Variants in GALNT1 observed in about 807,000 individuals in gnomAD.
GALNT1 encodes polypeptide N-acetylgalactosaminyltransferase 1, also known as GalNAc transferase 1.
Under a neutral mutation model 65.7 loss-of-function variants are expected in GALNT1, and 17 were observed. That is an observed-to-expected ratio of 0.26 (90% CI 0.18 to 0.39). The LOEUF (loss-of-function observed/expected upper bound fraction) is 0.39. Among genes scored for constraint, GALNT1 ranks in the 10% least tolerant of loss-of-function variants. The pLI is 1.00. For missense variants in GALNT1, 460 were observed against 672.8 expected, an observed-to-expected ratio of 0.68 and a Z score of 3.50; for synonymous variants, 210 against 219.7, an observed-to-expected ratio of 0.96 and a Z score of 0.39.
intron 1 of GALNT1, among the ~76,000 whole-genome samples, chr18:35,598,621 A>T (rs754429410): frequency 6.6e-6 from 1 of 152,164 alleles, no homozygotes; most frequent in Non-Finnish European, 1.5e-5. Context: ...TTCTTTATCC[A>T]TTCATCTATT....
At chr18:35,675,233 TTGTGGCTCTTCC>T in intron 3 of GALNT1, among the ~76,000 whole-genome samples, 1 of 152,124 alleles carries the variant, frequency 6.6e-6, no homozygotes, top group Non-Finnish European at 1.5e-5. Context: ...CTCAAGTGCC[TTGTGGCTCTTCC>T]AGGTTAGGGG....
intron 7 of GALNT1, among the ~76,000 whole-genome samples, chr18:35,690,515 A>G (rs1039781620): frequency 2.0e-5 from 3 of 152,216 alleles, no homozygotes; most frequent in African/African-American, 4.8e-5. Flanking sequence ...ACAGGTTGCA[A>G]TTCATCAATT....
At chr18:35,664,857 G>C (rs2047524817) in intron 3 of GALNT1, among the ~76,000 whole-genome samples, 1 of 152,248 alleles carries the variant, frequency 6.6e-6, no homozygotes, top group Non-Finnish European at 1.5e-5. Flanking sequence ...CTCCAGAGAA[G>C]AGACTGGAAG....
chr18:35,686,114 TA>T lies in GALNT1; in HGVS notation c.690-901del, dbSNP rs2047863753. Among the ~76,000 whole-genome samples the T allele has an allele frequency of 1.3e-5, 2 of 152,176 alleles. 1 individual carries two copies. Among genetic ancestry groups the T allele is most frequent in the Middle Eastern group, 6.8e-3 (2 of 294 alleles). ...TTATTTCACACCAACAAGGAATACT[TA>T]GAAAATATAATGCAAAAAGAAAAGA... On this transcript the variant is annotated intron_variant, in intron 5 of 11. Transcript: ENST00000269195.
intron 1 of GALNT1, among the ~76,000 whole-genome samples, chr18:35,615,742 A>G (rs1274004236): frequency 2.6e-5 from 4 of 152,240 alleles, no homozygotes; most frequent in African/African-American, 9.6e-5. Context: ...ATGGCAGAAG[A>G]AAGCAAGAGC....
At chr18:35,639,665 AATTTT>A (rs2047136505) in intron 1 of GALNT1, among the ~76,000 whole-genome samples, 2 of 152,070 alleles carry the variant, frequency 1.3e-5, no homozygotes, top group South Asian at 2.1e-4. Flanking sequence ...ACATTTTTGG[AATTTT>A]ATTTTAGACT....
intron 9 of GALNT1, among the ~76,000 whole-genome samples, chr18:35,695,628 A>G (rs1309621212): frequency 6.6e-6 from 1 of 152,198 alleles, no homozygotes; most frequent in Non-Finnish European, 1.5e-5. Context: ...CATTTATCCT[A>G]ACAGTTACTA....
chr18:35,698,960 C>T (rs1411046291), intron 9 of GALNT1, among the ~76,000 whole-genome samples: 4 of 151,888 alleles, frequency 2.6e-5, no homozygotes, highest in African/African-American at 4.8e-5. Flanking sequence ...GCAGCCTGGG[C>T]GACAGAGTGA....
chr18:35,707,496 T>C (rs3786388), intron 11 of GALNT1, among the ~76,000 whole-genome samples: 12,948 of 152,240 alleles, frequency 0.085, 603 homozygotes, highest in African/African-American at 0.12. Flanking sequence ...CAGAGTTGTA[T>C]CTGGAACAGG....
chr18:35,631,573 A>G (rs544203261), intron 1 of GALNT1, among the ~76,000 whole-genome samples: 1 of 152,340 alleles, frequency 6.6e-6, no homozygotes, highest in South Asian at 2.1e-4. Context: ...AATAAGAGCT[A>G]TCTATGACAA....
In GALNT1 at chr18:35,661,065, TA is replaced by T. The variant is rs2047471073; in HGVS notation, c.140-2561del. 2.6e-5 allele frequency among the ~76,000 whole-genome samples: 4 copies of T among 152,244 alleles called. No individual in the cohort carries two copies. In the South Asian group the frequency reaches 8.3e-4, roughly 31 times the overall value. ...TTCTTTAAGATCTCAAAACCAACTT[TA>T]AGCTTCTGGTTATATAATTTCATGT... On this transcript the variant is annotated intron_variant, in intron 2 of 11. Coordinates refer to ENST00000269195, the MANE Select transcript of GALNT1 (RefSeq NM_020474.4).
At chr18:35,651,033 T>TG (rs754910184) in intron 1 of GALNT1, among the ~76,000 whole-genome samples, 45 of 152,214 alleles carry the variant, frequency 3.0e-4, no homozygotes, top group Non-Finnish European at 3.4e-4. Context: ...AGTATTAATT[T>TG]GGGGAACTAA....
intron 1 of GALNT1, among the ~76,000 whole-genome samples, chr18:35,601,512 G>A (rs185852409): frequency 6.6e-5 from 10 of 151,726 alleles, no homozygotes; most frequent in South Asian, 2.1e-4. Flanking sequence ...CTAGTTACTT[G>A]AGGAGTATTG....
At chr18:35,654,305 C>T (rs914556920) in intron 1 of GALNT1, among the ~76,000 whole-genome samples, 1 of 151,990 alleles carries the variant, frequency 6.6e-6, no homozygotes, top group Non-Finnish European at 1.5e-5. Context: ...TGTTTATGTC[C>T]TTTACCTATT....
At chr18:35,701,806 G>A (rs2048168508) in intron 9 of GALNT1, among the ~76,000 whole-genome samples, 1 of 152,192 alleles carries the variant, frequency 6.6e-6, no homozygotes, top group South Asian at 2.1e-4. Flanking sequence ...AGAAAATTGA[G>A]AAATTCTGTT....
intron 1 of GALNT1, among the ~76,000 whole-genome samples, chr18:35,606,257 A>G (rs1311092704): frequency 1.3e-5 from 2 of 152,196 alleles, no homozygotes; most frequent in African/African-American, 2.4e-5. Context: ...CTTGGCCAAA[A>G]CAAGTCACGT....
intron 1 of GALNT1, among the ~76,000 whole-genome samples, chr18:35,632,093 A>G (rs2144206818): frequency 6.6e-6 from 1 of 152,360 alleles, no homozygotes; most frequent in African/African-American, 2.4e-5. Context: ...ATGGATAGGA[A>G]GAAGCAATAT....
At chr18:35,637,092 C>T (rs1022998582) in intron 1 of GALNT1, among the ~76,000 whole-genome samples, 1 of 152,130 alleles carries the variant, frequency 6.6e-6, no homozygotes. Context: ...GTTTCCCTGT[C>T]TCTCTCCCTC....
intron 3 of GALNT1, among the ~76,000 whole-genome samples, chr18:35,665,959 C>T (rs914135646): frequency 4.0e-5 from 6 of 151,852 alleles, no homozygotes; most frequent in African/African-American, 1.5e-4. Flanking sequence ...TGAGAATGAC[C>T]AGAAGGTGAT....
Sources: gnomAD v4.1 joint callset for allele counts (sites outside exome capture counted in the v4.1 genomes callset) on GRCh38, gnomAD v4.1.1 for gene constraint, MANE v1.5 for transcripts, NCBI Gene and HGNC (gene_info 2026-07-23, HGNC 2026-07-21) for gene names.